The following GABBR2 variants were observed in gnomAD, a reference collection of about 807,000 sequenced individuals.
GABBR2 encodes the protein gamma-aminobutyric acid type B receptor subunit 2.
In GABBR2, 23 loss-of-function variants were observed where a neutral mutation model predicts 105.6. The observed-to-expected ratio is 0.22, with a 90% CI of 0.16 to 0.31. The LOEUF (loss-of-function observed/expected upper bound fraction) is 0.31, where lower values mean the gene tolerates loss of function less well. GABBR2 is among the 10% of genes least tolerant of loss of function. The probability of loss-of-function intolerance (pLI) is 1.00; values close to 1 mark genes in which losing one functional copy is unlikely to be tolerated. For synonymous variants in GABBR2, 478 were observed against 499.7 expected, an observed-to-expected ratio of 0.96 and a Z score of 0.58; for missense variants, 734 against 1,245.5, an observed-to-expected ratio of 0.59 and a Z score of 6.18.
chr9:98,601,612 G>A (rs2418085), intron 1 of GABBR2, among the ~76,000 whole-genome samples: 34,857 of 152,210 alleles, frequency 0.23, 4,621 homozygotes, highest in Non-Finnish European at 0.3. Flanking sequence ...GACATAAGAA[G>A]GAAGGAGGAG....
chr9:98,527,170 C>T (rs969245124), intron 3 of GABBR2, among the ~76,000 whole-genome samples: 9 of 150,320 alleles, frequency 6.0e-5, no homozygotes, highest in African/African-American at 2.2e-4. Context: ...GTTCTAAGCC[C>T]TAAATGCTTT....
At chr9:98,298,935 C>T (rs2131343523) in intron 17 of GABBR2, among the ~76,000 whole-genome samples, 1 of 152,336 alleles carries the variant, frequency 6.6e-6, no homozygotes, top group East Asian at 1.9e-4. Flanking sequence ...TAAAATGTGC[C>T]TGCCCCCAGT....
At chr9:98,342,095 T>A (rs191485717) in intron 13 of GABBR2, among the ~76,000 whole-genome samples, 3 of 152,288 alleles carry the variant, frequency 2.0e-5, no homozygotes, top group Admixed American at 2.0e-4. Context: ...TGATCAGTTC[T>A]GTGACCAGAA....
At chr9:98,599,820 T>C (rs1381683739) in intron 1 of GABBR2, among the ~76,000 whole-genome samples, 1 of 152,064 alleles carries the variant, frequency 6.6e-6, no homozygotes, top group Non-Finnish European at 1.5e-5. Flanking sequence ...GTGTCTGAAT[T>C]AGAAGGTGAG....
rs1830244615 is a variant in GABBR2 at position 98,289,037 on chromosome 9, C to CCTGT, written c.*1543_*1546dup. ...AGGCCTTTCTTGAGCAAAGAATGAA[C>CCTGT]CTGTCTAGGAATGTCAGAAAAGTCA... On this transcript the variant is annotated 3_prime_UTR_variant, in exon 19 of 19. Transcript: ENST00000259455. The CCTGT allele has an allele frequency of 6.6e-6, 1 of 152,598 alleles. No individual in the cohort carries two copies. The highest frequency in any genetic ancestry group is 1.5e-5 in the Non-Finnish European group (1 of 68,052). 9.5% of individuals were successfully genotyped at this position (152,598 alleles called of 1,614,324 possible).
chr9:98,623,654 G>C (rs555719573), intron 1 of GABBR2, among the ~76,000 whole-genome samples: 1 of 152,216 alleles, frequency 6.6e-6, no homozygotes, highest in East Asian at 1.9e-4. Flanking sequence ...CATTTTCAAA[G>C]CCAGCAGTGC....
At chr9:98,414,932 G>A (rs537137477) in intron 7 of GABBR2, among the ~76,000 whole-genome samples, 58 of 152,302 alleles carry the variant, frequency 3.8e-4, no homozygotes, top group South Asian at 1.5e-3. Flanking sequence ...GAATGATCAC[G>A]TGGAAAGGCT....
chr9:98,366,063 A>T (rs1831671121), intron 12 of GABBR2, among the ~76,000 whole-genome samples: 1 of 152,260 alleles, frequency 6.6e-6, no homozygotes, highest in African/African-American at 2.4e-5. Flanking sequence ...TTCTGGAATC[A>T]GATCTAAGTT....
At chr9:98,389,196 T>C (rs1832135111) in intron 9 of GABBR2, among the ~76,000 whole-genome samples, 192 bp from the exon 10 acceptor site, 1 of 152,244 alleles carries the variant, frequency 6.6e-6, no homozygotes, top group Non-Finnish European at 1.5e-5. Context: ...AGGACTGTAT[T>C]TCTTTCTCTA....
At chr9:98,605,924 G>A (rs940184187) in intron 1 of GABBR2, among the ~76,000 whole-genome samples, 19 of 150,318 alleles carry the variant, frequency 1.3e-4, no homozygotes, top group African/African-American at 2.9e-4. Flanking sequence ...TCCCTCCCCC[G>A]TCCCTCCACC....
chr9:98,480,910 A>C (rs1045026556), intron 5 of GABBR2, 22 bp downstream of exon 5: 1 of 1,454,678 alleles, frequency 6.9e-7, no homozygotes, highest in Non-Finnish European at 9.7e-7. Context: ...AAAGACACGA[A>C]TGATACAACT....
chr9:98,536,856 G>C (rs2131734376), intron 3 of GABBR2, among the ~76,000 whole-genome samples: 1 of 152,220 alleles, frequency 6.6e-6, no homozygotes, highest in African/African-American at 2.4e-5. Context: ...TCTTCCATCT[G>C]GCAGGGCCCC....
intron 9 of GABBR2, among the ~76,000 whole-genome samples, chr9:98,392,031 C>G (rs1389590374): frequency 2.0e-5 from 3 of 151,948 alleles, no homozygotes; most frequent in East Asian, 3.9e-4. Context: ...CTGCCCTGAC[C>G]TGCCTGGGCT....
At chr9:98,639,612 A>AT (rs796142546) in intron 1 of GABBR2, among the ~76,000 whole-genome samples, 47 of 152,026 alleles carry the variant, frequency 3.1e-4, no homozygotes, top group African/African-American at 9.4e-4. Flanking sequence ...AAAAAAAAAA[A>AT]ATTCAAATAC....
chr9:98,564,725 C>T (rs1224637063), intron 2 of GABBR2, among the ~76,000 whole-genome samples: 1 of 152,266 alleles, frequency 6.6e-6, no homozygotes, highest in Non-Finnish European at 1.5e-5. Flanking sequence ...TGAGGCAAGG[C>T]CCTTGGGGTA....
chr9:98,531,281 C>T (rs1286645559), intron 3 of GABBR2, among the ~76,000 whole-genome samples: 2 of 152,168 alleles, frequency 1.3e-5, no homozygotes, highest in African/African-American at 4.8e-5. Flanking sequence ...GGGAGAAGGA[C>T]TCCACTCTGA....
intron 7 of GABBR2, among the ~76,000 whole-genome samples, chr9:98,414,302 G>C (rs1333576581): frequency 1.3e-5 from 2 of 152,206 alleles, no homozygotes; most frequent in Non-Finnish European, 2.9e-5. Flanking sequence ...GAGCAAGGGG[G>C]AGAATATCCT....
At chr9:98,356,595 G>T (rs1009049985) in intron 13 of GABBR2, among the ~76,000 whole-genome samples, 1 of 152,184 alleles carries the variant, frequency 6.6e-6, no homozygotes, top group African/African-American at 2.4e-5. Context: ...TTTGGAAGAC[G>T]GTTTGGTAGT....
At chr9:98,474,637 C>T (rs1338686729) in intron 5 of GABBR2, among the ~76,000 whole-genome samples, 1 of 152,152 alleles carries the variant, frequency 6.6e-6, no homozygotes, top group Non-Finnish European at 1.5e-5. Context: ...ATTCATGTCG[C>T]ACCCCTTGGC....
Sources: allele counts gnomAD v4.1 joint callset (sites outside exome capture counted in the v4.1 genomes callset), GRCh38; gene constraint gnomAD v4.1.1; transcripts MANE v1.5; gene names NCBI Gene and HGNC (gene_info 2026-07-23, HGNC 2026-07-21).